NELL1: variants seen among roughly 807,000 people sequenced by gnomAD.
The protein encoded by NELL1 is protein kinase C-binding protein NELL1.
In NELL1, 76 loss-of-function variants were observed where a neutral mutation model predicts 107.4. The observed-to-expected ratio is 0.71, with a 90% CI of 0.59 to 0.86. NELL1 has a LOEUF of 0.86. NELL1 is among the 40% of genes least tolerant of loss of function. The probability of loss-of-function intolerance (pLI) is 0.00; values close to 1 mark genes in which losing one functional copy is unlikely to be tolerated. For synonymous variants in NELL1, 353 were observed against 341.2 expected, an observed-to-expected ratio of 1.03 and a Z score of -0.38; for missense variants, 1,024 against 1,005.5, an observed-to-expected ratio of 1.02 and a Z score of -0.25.
intron 15 of NELL1, among the ~76,000 whole-genome samples, chr11:21,393,369 A>C (rs1383890298): frequency 6.6e-6 from 1 of 151,698 alleles, no homozygotes; most frequent in Non-Finnish European, 1.5e-5. Flanking sequence ...AGCAAAATTA[A>C]ATTTGGGAAG....
intron 15 of NELL1, among the ~76,000 whole-genome samples, chr11:21,476,163 G>T (rs1469221668): frequency 2.6e-5 from 4 of 152,012 alleles, no homozygotes; most frequent in African/African-American, 9.7e-5. Flanking sequence ...TAAACAGAAG[G>T]TTATTCTGTA....
At chr11:21,322,710 T>G (rs4310609) in intron 14 of NELL1, among the ~76,000 whole-genome samples, 2 of 151,814 alleles carry the variant, frequency 1.3e-5, no homozygotes, top group Non-Finnish European at 2.9e-5. Flanking sequence ...CCTGGTTCCA[T>G]GAAACCAGAC....
chr11:20,925,374 A>T (rs1469805650), intron 7 of NELL1, among the ~76,000 whole-genome samples: 3 of 151,026 alleles, frequency 2.0e-5, no homozygotes, highest in Non-Finnish European at 4.4e-5. Context: ...TCTGCCTCCC[A>T]GGTTCAAGAG....
intron 12 of NELL1, among the ~76,000 whole-genome samples, chr11:21,025,234 T>A (rs1450792428): frequency 6.6e-6 from 1 of 152,064 alleles, no homozygotes. Flanking sequence ...ACCATAGCAT[T>A]CTCTATTGAG....
intron 17 of NELL1, among the ~76,000 whole-genome samples, chr11:21,568,602 TTC>T (rs1195080227): frequency 3.0e-4 from 45 of 152,010 alleles, no homozygotes; most frequent in African/African-American, 1.0e-3. Context: ...TTTCTTTATA[TTC>T]TTATTCTATA....
At chr11:20,903,629 T>C (rs1849927471) in intron 5 of NELL1, among the ~76,000 whole-genome samples, 2 of 152,168 alleles carry the variant, frequency 1.3e-5, no homozygotes, top group African/African-American at 4.8e-5. Flanking sequence ...ATATGGTCAG[T>C]AATTAGCTTC....
rs11026060 is a variant in NELL1 at position 21,380,942 on chromosome 11, C to T, written c.1645+9994C>T. Among the ~76,000 whole-genome samples the T allele has an allele frequency of 2.6e-5, 4 of 152,092 alleles. No homozygotes were observed. The East Asian group carries it at 5.8e-4, about 22-fold the overall frequency. On this transcript the variant is annotated intron_variant, in intron 15 of 19. Coordinates refer to ENST00000357134, the MANE Select transcript of NELL1 (RefSeq NM_006157.5). Reference sequence around the variant, plus strand: ...GTGAAATTTACATTAATCTACTATACATCTATTGTAAGCCCCAAATTTTGC... The same window carrying T: ...GTGAAATTTACATTAATCTACTATATATCTATTGTAAGCCCCAAATTTTGC...
rs1394118433 is a variant in NELL1, at chr11:21,423,085, G to T, written c.1645+52137G>T. On this transcript the variant is annotated intron_variant, in intron 15 of 19. Coordinates refer to ENST00000357134, the MANE Select transcript of NELL1 (RefSeq NM_006157.5). ...TAAGTTTAAAAATTTTATAAAAGGTGCCCAAGCGCAGTGGCTCACGCCTGT... is the reference window on the plus strand; with the variant it reads ...TAAGTTTAAAAATTTTATAAAAGGTTCCCAAGCGCAGTGGCTCACGCCTGT... Among the ~76,000 whole-genome samples, 9 of 152,108 alleles carry T rather than the reference G, an allele frequency of 5.9e-5. No homozygotes were observed. In the East Asian group the frequency reaches 1.5e-3, roughly 26 times the overall value.
At chr11:20,998,969 A>C (rs1852154516) in intron 12 of NELL1, among the ~76,000 whole-genome samples, 1 of 152,230 alleles carries the variant, frequency 6.6e-6, no homozygotes, top group Admixed American at 6.5e-5. Context: ...ATTACTTGAA[A>C]AGCAGCAAAT....
intron 13 of NELL1, among the ~76,000 whole-genome samples, chr11:21,218,325 G>T (rs995845017): frequency 2.0e-5 from 3 of 152,048 alleles, no homozygotes; most frequent in South Asian, 2.1e-4. Flanking sequence ...GAAAGAGAAA[G>T]ATTTCTCGAT....
intron 13 of NELL1, among the ~76,000 whole-genome samples, chr11:21,193,123 A>T (rs1201847592): frequency 6.6e-6 from 1 of 151,818 alleles, no homozygotes; most frequent in African/African-American, 2.4e-5. Flanking sequence ...TGAGGGGGGA[A>T]ATCTGGTTAT....
intron 12 of NELL1, among the ~76,000 whole-genome samples, chr11:21,076,218 A>G (rs186016266): frequency 4.6e-5 from 7 of 152,342 alleles, no homozygotes; most frequent in Non-Finnish European, 8.8e-5. Flanking sequence ...TTCCACATCA[A>G]CCAGAAATGG....
chr11:21,030,137 A>T (rs1313353389), intron 12 of NELL1, among the ~76,000 whole-genome samples: 1 of 152,108 alleles, frequency 6.6e-6, no homozygotes, highest in Non-Finnish European at 1.5e-5. Flanking sequence ...AAATTACGTT[A>T]GATATTTCTT....
chr11:20,734,923 G>A (rs1286885329), intron 2 of NELL1, among the ~76,000 whole-genome samples: 1 of 152,076 alleles, frequency 6.6e-6, no homozygotes, highest in Non-Finnish European at 1.5e-5. Flanking sequence ...TAGAATTACT[G>A]AATTAGAAAC....
At chr11:21,248,014 G>A (rs1858537992) in intron 14 of NELL1, among the ~76,000 whole-genome samples, 1 of 152,186 alleles carries the variant, frequency 6.6e-6, no homozygotes, top group South Asian at 2.1e-4. Flanking sequence ...CCCATTGGCA[G>A]AAATTTTAAA....
At chr11:21,267,989 G>A (rs1848668380) in intron 14 of NELL1, among the ~76,000 whole-genome samples, 2 of 151,726 alleles carry the variant, frequency 1.3e-5, no homozygotes, top group Admixed American at 1.3e-4. Context: ...ATATAGTTAG[G>A]TCTTGTTTTT....
chr11:20,970,952 A>G (rs1022144720), intron 12 of NELL1, among the ~76,000 whole-genome samples: 4 of 152,220 alleles, frequency 2.6e-5, no homozygotes, highest in African/African-American at 7.2e-5. Context: ...TGAATTTTCA[A>G]ACATGGCTAT....
intron 14 of NELL1, among the ~76,000 whole-genome samples, chr11:21,369,797 T>C (rs1280549817): frequency 6.6e-6 from 1 of 152,096 alleles, no homozygotes; most frequent in Non-Finnish European, 1.5e-5. Context: ...TTTAGTACTC[T>C]AAATTCTTGG....
chr11:21,072,202 A>G (rs906260580), intron 12 of NELL1, among the ~76,000 whole-genome samples: 3 of 152,212 alleles, frequency 2.0e-5, no homozygotes, highest in Non-Finnish European at 4.4e-5. Context: ...TATGTTGCTA[A>G]TAGCCAAATG....
Sources: gnomAD v4.1 joint callset for allele counts (sites outside exome capture counted in the v4.1 genomes callset) on GRCh38, gnomAD v4.1.1 for gene constraint, MANE v1.5 for transcripts, NCBI Gene and HGNC (gene_info 2026-07-23, HGNC 2026-07-21) for gene names.